The following SREK1 variants were observed in gnomAD, a reference collection of about 807,000 sequenced individuals.
SREK1 encodes splicing regulatory glutamine/lysine-rich protein 1.
A neutral mutation model predicts 66.5 loss-of-function variants in SREK1; 13 were observed. The ratio of observed to expected loss-of-function variants is 0.20; its 90% CI spans 0.13 to 0.31. The LOEUF (loss-of-function observed/expected upper bound fraction) is 0.31, where lower values mean the gene tolerates loss of function less well. SREK1 is among the 10% of genes least tolerant of loss of function. SREK1 has a pLI of 1.00. For missense variants in SREK1, 607 were observed against 769.6 expected, an observed-to-expected ratio of 0.79 and a Z score of 2.50; for synonymous variants, 265 against 263.5, an observed-to-expected ratio of 1.01 and a Z score of -0.05.
chr5:66,158,673 A>T, intron 2 of SREK1: 1 of 689,970 alleles, frequency 1.4e-6, no homozygotes, highest in African/African-American at 1.9e-5. Flanking sequence ...AGGGGCACTC[A>T]TTAAGAAATT....
intron 3 of SREK1, among the ~76,000 whole-genome samples, chr5:66,160,940 A>G (rs1361007890): frequency 6.6e-6 from 1 of 152,202 alleles, no homozygotes; most frequent in Non-Finnish European, 1.5e-5. Flanking sequence ...GTTTACATTC[A>G]TATTAAAAAT....
At position 66,170,891 on chromosome 5, in the gene SREK1, A is replaced by G. The variant is rs765040758; in HGVS notation, c.1428A>G (p.Lys476=). ...EIDEKRKKDK[K]SRTPPRSYNA... ...ATGAAAAAAGAAAGAAGGATAAAAA[A>G]TCCAGAACACCACCCAGGAGTTACA... The change falls in exon 9 of 12, where the codon AAA becomes AAG. Residue 476 remains lysine (K), a synonymous_variant. Transcript: ENST00000334121. 3 of 1,613,658 alleles carry G rather than the reference A, an allele frequency of 1.9e-6. No individual in the cohort carries two copies. Among genetic ancestry groups the G allele is most frequent in the South Asian group, 2.2e-5 (2 of 90,994 alleles).
intron 2 of SREK1, chr5:66,157,235 A>G: frequency 3.0e-6 from 3 of 985,188 alleles, no homozygotes; most frequent in Non-Finnish European, 3.6e-6. Context: ...GAGTTTGACA[A>G]CCTACTGATA....
intron 2 of SREK1, chr5:66,155,942 A>C (rs1371977788): frequency 2.2e-6 from 3 of 1,391,630 alleles, no homozygotes; most frequent in Non-Finnish European, 2.9e-6. Flanking sequence ...ATACGGTCAA[A>C]CATAACAAGG....
chr5:66,160,486 G>A (rs1744665267), intron 3 of SREK1, among the ~76,000 whole-genome samples: 1 of 152,188 alleles, frequency 6.6e-6, no homozygotes, highest in Admixed American at 6.5e-5. Flanking sequence ...GAACAGAATG[G>A]TGGTCAGTAT....
chr5:66,144,935 C>T, intron 1 of SREK1: 1 of 992,112 alleles, frequency 1.0e-6, no homozygotes, highest in Non-Finnish European at 1.2e-6. Context: ...GCGGAGACCG[C>T]GCCTGAGCCA....
chr5:66,173,864 G>A (rs181646932), intron 9 of SREK1, among the ~76,000 whole-genome samples: 1 of 152,312 alleles, frequency 6.6e-6, no homozygotes, highest in Non-Finnish European at 1.5e-5. Context: ...AAGTGTAATT[G>A]TGGAGTGTCT....
rs1238304081 is a variant in SREK1, at chr5:66,170,725, G to A, written c.1262G>A (p.Arg421Gln). 4.4e-6 allele frequency: 7 copies of A among 1,603,214 alleles called. No homozygotes were observed. The highest frequency in any genetic ancestry group is 1.7e-4 in the Middle Eastern group (1 of 5,952). The change falls in exon 9 of 12, where the codon CGG (arginine) becomes CAG (glutamine). Residue 421 changes from arginine (R) to glutamine (Q), a missense_variant. By Grantham distance (43) the Arg-to-Gln change is conservative (BLOSUM62 1). Coordinates refer to ENST00000334121, the MANE Select transcript of SREK1 (RefSeq NM_001077199.3). ...AAAAACAAAGACCGGGACAAGGAACGGGAAAAGGACCGGGAAAAAGACAAG... is the reference window on the plus strand; with the variant it reads ...AAAAACAAAGACCGGGACAAGGAACAGGAAAAGGACCGGGAAAAAGACAAG... ...RGKNKDRDKE[R>Q]EKDREKDKEK...
chr5:66,183,059 CTGTT>C lies in SREK1; in HGVS notation c.*4192_*4195del, dbSNP rs1746624519. Reference sequence around the variant, plus strand: ...ATAATGTTTATAAAAGGTTTTAAGTCTGTTGCCTGATTTTTAAATTTATATCTAG... The same window carrying C: ...ATAATGTTTATAAAAGGTTTTAAGTCGCCTGATTTTTAAATTTATATCTAG... On this transcript the variant is annotated 3_prime_UTR_variant, in exon 12 of 12. Coordinates refer to ENST00000334121, the MANE Select transcript of SREK1 (RefSeq NM_001077199.3). 1 of 152,116 alleles carries C rather than the reference CTGTT, an allele frequency of 6.6e-6. No individual in the cohort carries two copies. Among genetic ancestry groups the C allele is most frequent in the Non-Finnish European group, 1.5e-5 (1 of 68,024 alleles). 9.4% of individuals were successfully genotyped at this position (152,116 alleles called of 1,614,324 possible).
intron 7 of SREK1, chr5:66,166,658 G>C (rs969076729): frequency 6.6e-6 from 1 of 151,906 alleles, no homozygotes; most frequent in Non-Finnish European, 1.5e-5. Flanking sequence ...TTGTAGAAAC[G>C]GGGTTTTATC....
chr5:66,152,599 C>T (rs2111962125), intron 1 of SREK1, among the ~76,000 whole-genome samples: 1 of 152,236 alleles, frequency 6.6e-6, no homozygotes, highest in African/African-American at 2.4e-5. Flanking sequence ...CAAGTGATCT[C>T]TCTTTTTTTA....
At chr5:66,158,710 T>G in intron 2 of SREK1, 1 of 1,082,296 alleles carries the variant, frequency 9.2e-7, no homozygotes, top group Non-Finnish European at 1.2e-6. Context: ...TGTTTTTTCT[T>G]TTTCTTTTTT....
intron 9 of SREK1, among the ~76,000 whole-genome samples, chr5:66,174,255 A>G (rs1745879681): frequency 6.6e-6 from 1 of 150,762 alleles, no homozygotes; most frequent in Non-Finnish European, 1.5e-5. Context: ...ATGGTTTTTA[A>G]TAATAATAAC....
At chr5:66,145,210 C>T (rs1743065455) in intron 1 of SREK1, 2 of 968,646 alleles carry the variant, frequency 2.1e-6, no homozygotes, top group Admixed American at 6.2e-5. Context: ...TTATCCCTCC[C>T]GTATACATTT....
chr5:66,144,954 T>A (rs1743034189), intron 1 of SREK1: 1 of 989,642 alleles, frequency 1.0e-6, no homozygotes, highest in Non-Finnish European at 1.2e-6. Flanking sequence ...CACAGTCCAG[T>A]TTTTAAGGCC....
intron 6 of SREK1, 33 bp from the exon 7 acceptor site, chr5:66,164,748 TGA>T (rs1306110872): frequency 3.7e-6 from 6 of 1,613,580 alleles, no homozygotes; most frequent in Non-Finnish European, 5.1e-6. Context: ...TTAATTGTTC[TGA>T]GCTTACACTG....
chr5:66,144,637 T>C, intron 1 of SREK1, 100 bp downstream of exon 1: 1 of 1,440,268 alleles, frequency 6.9e-7, no homozygotes, highest in African/African-American at 1.4e-5. Context: ...GCGGTGCATG[T>C]CACGTGATCG....
chr5:66,171,038 C>T, intron 9 of SREK1, 91 bp downstream of exon 9: 1 of 1,424,466 alleles, frequency 7.0e-7, no homozygotes, highest in Non-Finnish European at 9.4e-7. Flanking sequence ...TTACTGTACG[C>T]AAGTGGAACC....
At chr5:66,173,836 A>G (rs753701820) in intron 9 of SREK1, among the ~76,000 whole-genome samples, 1 of 152,234 alleles carries the variant, frequency 6.6e-6, no homozygotes, top group Non-Finnish European at 1.5e-5. Context: ...CAAATAATGT[A>G]TCTAATTTCC....
Sources: gnomAD v4.1 joint callset for allele counts (sites outside exome capture counted in the v4.1 genomes callset) on GRCh38, gnomAD v4.1.1 for gene constraint, MANE v1.5 for transcripts, NCBI Gene and HGNC (gene_info 2026-07-23, HGNC 2026-07-21) for gene names.